The following PLA2G4B variants were observed in gnomAD, a reference collection of about 807,000 sequenced individuals.
PLA2G4B encodes phospholipase A2 group IVB.
In PLA2G4B, 122 loss-of-function variants were observed where a neutral mutation model predicts 95.8. The ratio of observed to expected loss-of-function variants is 1.27; its 90% CI spans 1.10 to 1.48. PLA2G4B has a LOEUF of 1.48. Among genes scored for constraint, PLA2G4B ranks in the 40% most tolerant of loss-of-function variants. The pLI is 0.00. For missense variants in PLA2G4B, 1,158 were observed against 996.2 expected (o/e 1.16, Z -2.19); for synonymous variants, 518 against 421.5 (o/e 1.23, Z -2.80).
chr15:41,840,398 C>T, intron 2 of PLA2G4B, 126 bp from the exon 3 acceptor site: 1 of 1,584,950 alleles, frequency 6.3e-7, no homozygotes, highest in African/African-American at 1.3e-5. Flanking sequence ...GGGGCTCTGC[C>T]TCTGGCCCCC....
At chr15:41,842,743 G>A in intron 10 of PLA2G4B, 152 bp downstream of exon 10, 1 of 1,214,886 alleles carries the variant, frequency 8.2e-7, no homozygotes, top group South Asian at 1.5e-5. Context: ...GGGGCACGAA[G>A]TACTGGGAGG....
rs1347593485 is a variant in PLA2G4B, at chr15:41,844,470, G to A, written c.880-1G>A. ...ACAGGCCTGGCTCTCTTCTTTTCCAGATCCCAGTGGTAGCTATTATGGCCA... is the reference window on the plus strand; with the variant it reads ...ACAGGCCTGGCTCTCTTCTTTTCCAAATCCCAGTGGTAGCTATTATGGCCA... On this transcript the variant is annotated splice_acceptor_variant, in intron 11 of 19. Coordinates refer to ENST00000458483, the MANE Select transcript of PLA2G4B (RefSeq NM_001114633.2). LOFTEE classifies it high-confidence loss of function. 6.2e-7 allele frequency: 1 copy of A among 1,614,038 alleles called. No individual in the cohort carries two copies. The highest frequency in any genetic ancestry group is 8.5e-7 in the Non-Finnish European group (1 of 1,180,026).
intron 18 of PLA2G4B, among the ~76,000 whole-genome samples, chr15:41,847,036 G>A (rs1337926989): frequency 1.3e-5 from 2 of 152,122 alleles, no homozygotes; most frequent in African/African-American, 4.8e-5. Flanking sequence ...TCTTGTAGCT[G>A]GGTCCCCTTT....
rs201423154 is a variant in PLA2G4B at position 41,843,788 on chromosome 15, G to T, written c.856G>T (p.Asp286Tyr). The part of the protein sequence containing the change: ...AAALRQALQL[D>Y]GDLQEDEIPV... ...GGCCTTGAGGCAGGCCCTGCAGCTG[G>T]ACGGAGACCTGCAGGAGGATGAGGT... The change falls in exon 11 of 20, where the codon GAC (aspartate) becomes TAC (tyrosine). Residue 286 changes from aspartate to tyrosine, a missense_variant. Transcript: ENST00000458483. The T allele has an allele frequency of 5.0e-6, 8 of 1,613,774 alleles. No individual in the cohort carries two copies. The South Asian group carries it at 6.6e-5, about 13-fold the overall frequency.
chr15:41,842,811 C>T (rs1595421140), intron 10 of PLA2G4B: 5 of 597,830 alleles, frequency 8.4e-6, no homozygotes, highest in Non-Finnish European at 1.3e-5. Flanking sequence ...GGCCCAGTGC[C>T]AGGCACCCGG....
chr15:41,844,853 T>A lies in PLA2G4B; in HGVS notation c.1022T>A (p.Leu341Ter). Residue 341 changes from leucine to a stop codon, truncating the protein, a stop_gained, in exon 13 of 20, where the codon TTG becomes TAG. Transcript: ENST00000458483. LOFTEE classifies it high-confidence loss of function. ...TTGGCTTTGGCTTTTCCCAGGGCCT[T>A]GGCCAACCTTTATGAGGACCCAGAG... ...ITGASGSTWALANLYEDPEWS... is the reference protein window; with the variant it reads ...ITGASGSTWA The A allele has an allele frequency of 6.2e-7, 1 of 1,602,842 alleles. No individual in the cohort carries two copies. The highest frequency in any genetic ancestry group is 1.7e-5 in the Admixed American group (1 of 58,094).
rs757882793 is a variant in PLA2G4B at position 41,841,511 on chromosome 15, A to T, written c.436-6A>T. 3.3e-5 allele frequency: 53 copies of T among 1,613,898 alleles called. No homozygotes were observed. The South Asian group carries it at 4.8e-4, about 15-fold the overall frequency. On this transcript the variant is annotated splice_polypyrimidine_tract_variant and splice_region_variant and intron_variant, in intron 6 of 19. Coordinates refer to ENST00000458483, the MANE Select transcript of PLA2G4B (RefSeq NM_001114633.2). ...TAGTGTCTGAGGGGCTGTCTTCATG[A>T]CTCAGGCCCGGGAGCTCTCCTGCTT...
At position 41,847,448 on chromosome 15, in the gene PLA2G4B, C is replaced by A. The variant is rs754288493; in HGVS notation, c.2059C>A (p.Pro687Thr). 5.0e-6 allele frequency: 8 copies of A among 1,613,272 alleles called. No individual in the cohort carries two copies. The highest frequency in any genetic ancestry group is 6.8e-6 in the Non-Finnish European group (8 of 1,179,784). ...QPRECHTFSD[P>T]TCPGAPAVLH... ...TCGGGAGTGCCACACCTTCTCCGAC[C>A]CCACCTGCCCCGGAGCCCCTGCGGT... is the stretch of plus-strand genomic sequence containing the variant. The change falls in exon 19 of 20, where the codon CCC (proline) becomes ACC (threonine). Residue 687 changes from proline (P) to threonine (T), a missense_variant. By Grantham distance (38) the Pro-to-Thr change is conservative. Coordinates refer to ENST00000458483, the MANE Select transcript of PLA2G4B (RefSeq NM_001114633.2).
Position 41,844,881 on chromosome 15 carries a change from G to C in PLA2G4B, c.1050G>C (p.Trp350Cys). 4 of 1,610,670 alleles carry C rather than the reference G, an allele frequency of 2.5e-6. No homozygotes were observed. The highest frequency in any genetic ancestry group is 3.4e-6 in the Non-Finnish European group (4 of 1,178,758). ...CCAACCTTTATGAGGACCCAGAGTGGTCTCAGAAGGACCTGGCAGGGCCCA... is the reference window on the plus strand; with the variant it reads ...CCAACCTTTATGAGGACCCAGAGTGCTCTCAGAAGGACCTGGCAGGGCCCA... ...ALANLYEDPEWSQKDLAGPTE... is the reference protein window; with the variant it reads ...ALANLYEDPECSQKDLAGPTE... Residue 350 changes from tryptophan (W) to cysteine (C), a missense_variant, in exon 13 of 20, where the codon TGG (tryptophan) becomes TGC (cysteine). Trp to Cys is a radical substitution (Grantham distance 215, BLOSUM62 -2). Coordinates refer to ENST00000458483, the MANE Select transcript of PLA2G4B (RefSeq NM_001114633.2).
chr15:41,840,486 G>T (rs1454481207), intron 2 of PLA2G4B, 38 bp from the exon 3 acceptor site: 2 of 1,612,426 alleles, frequency 1.2e-6, no homozygotes, highest in Admixed American at 1.7e-5. Flanking sequence ...GCTGGGAAGG[G>T]CTCTTGTCCA....
Position 41,846,383 on chromosome 15 carries a change from G to A in PLA2G4B, c.1780+1G>A, listed in dbSNP as rs181345467. The stretch of plus-strand genomic sequence containing the variant: ...CATCCTCACTTCTCCACATGGAAAG[G>A]TACCTGCTTCTCTCCAAAGTCCTCC... On this transcript the variant is annotated splice_donor_variant, in intron 17 of 19. Coordinates refer to ENST00000458483, the MANE Select transcript of PLA2G4B (RefSeq NM_001114633.2). LOFTEE classifies it high-confidence loss of function. The A allele has an allele frequency of 1.8e-5, 29 of 1,601,920 alleles. No homozygotes were observed. The Admixed American group carries it at 3.0e-4, about 17-fold the overall frequency.
At chr15:41,844,648 G>A (rs1474488458) in intron 12 of PLA2G4B, 41 bp downstream of exon 12, 1 of 1,612,936 alleles carries the variant, frequency 6.2e-7, no homozygotes, top group East Asian at 2.2e-5. Context: ...TGTGTGGCAG[G>A]GGGTGCTGGT....
chr15:41,847,814 C>G lies in PLA2G4B; in HGVS notation c.2300C>G (p.Ala767Gly), dbSNP rs1255319301. 13 of 1,608,328 alleles carry G rather than the reference C, an allele frequency of 8.1e-6. No homozygotes were observed. Among genetic ancestry groups the G allele is most frequent in the Non-Finnish European group, 1.1e-5 (13 of 1,180,006 alleles). Reference protein sequence around the residue: ...VCNNQEQLLEALRQAVQRRRQ... With the variant: ...VCNNQEQLLEGLRQAVQRRRQ... ...AACAACCAGGAGCAGCTGCTGGAGG[C>G]TCTGCGCCAGGCAGTGCAGCGGAGG... The change falls in exon 20 of 20, where the codon GCT becomes GGT. Residue 767 changes from alanine to glycine, a missense_variant. Ala to Gly is a moderately conservative substitution (Grantham distance 60). Transcript: ENST00000458483.
chr15:41,848,004 T>A lies in PLA2G4B; in HGVS notation c.*144T>A. 8.6e-7 allele frequency: 1 copy of A among 1,166,844 alleles called. No individual in the cohort carries two copies. The highest frequency in any genetic ancestry group is 1.2e-6 in the Non-Finnish European group (1 of 847,290). 72.3% of individuals were successfully genotyped at this position (1,166,844 alleles called of 1,614,324 possible). ...CCAGGCTGAGGGCTGGGAGCTCCCTTGCGCCTCAGCAGTTTGCAGTGGGGT... is the reference window on the plus strand; with the variant it reads ...CCAGGCTGAGGGCTGGGAGCTCCCTAGCGCCTCAGCAGTTTGCAGTGGGGT... On this transcript the variant is annotated 3_prime_UTR_variant, in exon 20 of 20. Coordinates refer to ENST00000458483, the MANE Select transcript of PLA2G4B (RefSeq NM_001114633.2).
intron 15 of PLA2G4B, 60 bp from the exon 16 acceptor site, chr15:41,845,883 G>C: frequency 2.0e-6 from 3 of 1,517,894 alleles, no homozygotes; most frequent in Non-Finnish European, 2.6e-6. Flanking sequence ...ACTGGCCATG[G>C]GGAAGGGTAG....
At position 41,845,715 on chromosome 15, in the gene PLA2G4B, G is replaced by A. The variant is rs140382656; in HGVS notation, c.1435G>A (p.Glu479Lys). The change falls in exon 15 of 20, where the codon GAG becomes AAG. Residue 479 changes from glutamate (E) to lysine (K), a missense_variant. Coordinates refer to ENST00000458483, the MANE Select transcript of PLA2G4B (RefSeq NM_001114633.2). ...CATCCCCTCTGAGCTCTTTGGCTCC[G>A]AGTTCTTTATGGGGCAGCTGATGAA... ...AFIPSELFGS[E>K]FFMGQLMKRL... The A allele has an allele frequency of 6.2e-6, 10 of 1,612,988 alleles. No individual in the cohort carries two copies. Among genetic ancestry groups the A allele is most frequent in the African/African-American group, 4.0e-5 (3 of 74,850 alleles).
At position 41,844,910 on chromosome 15, in the gene PLA2G4B, A is replaced by C. The variant is rs149594642; in HGVS notation, c.1079A>C (p.Glu360Ala). 1.3e-5 allele frequency: 21 copies of C among 1,612,108 alleles called. No individual in the cohort carries two copies. Among genetic ancestry groups the C allele is most frequent in the Non-Finnish European group, 1.7e-5 (20 of 1,179,424 alleles). ...CAGAAGGACCTGGCAGGGCCCACTG[A>C]GTTGCTGAAGACCCAGGTGACCAAG... ...WSQKDLAGPT[E>A]LLKTQVTKNK... is the part of the protein sequence containing the mutation. The change falls in exon 13 of 20, where the codon GAG (glutamate) becomes GCG (alanine). Residue 360 changes from glutamate to alanine, a missense_variant. Transcript: ENST00000458483.
Position 41,845,635 on chromosome 15 carries a change from C to G in PLA2G4B, c.1358-3C>G. The G allele has an allele frequency of 6.2e-7, 1 of 1,614,130 alleles. No individual in the cohort carries two copies. On this transcript the variant is annotated splice_region_variant and splice_polypyrimidine_tract_variant and intron_variant, in intron 14 of 19. Transcript: ENST00000458483. ...ATGAGGCTGAGGCGTGGACTCCTCA[C>G]AGAGTGGTGCGAGTTCTCTCCCTAC...
Position 41,845,071 on chromosome 15 carries a change from G to T in PLA2G4B, c.1239+1G>T. ...CAACGAGGCGCTGCTGCATGATGAG[G>T]TGCGGGGGCTGCGGCCTGGGGGCAG... is the stretch of plus-strand genomic sequence containing the variant. On this transcript the variant is annotated splice_donor_variant, in intron 13 of 19. Coordinates refer to ENST00000458483, the MANE Select transcript of PLA2G4B (RefSeq NM_001114633.2). LOFTEE classifies it high-confidence loss of function. 2 of 1,596,876 alleles carry T rather than the reference G, an allele frequency of 1.3e-6. No individual in the cohort carries two copies. Among genetic ancestry groups the T allele is most frequent in the Non-Finnish European group, 1.7e-6 (2 of 1,170,398 alleles).
Sources: gnomAD v4.1 joint callset for allele counts (sites outside exome capture counted in the v4.1 genomes callset) on GRCh38, gnomAD v4.1.1 for gene constraint, MANE v1.5 for transcripts, NCBI Gene and HGNC (gene_info 2026-07-23, HGNC 2026-07-21) for gene names.